ROR1: variants seen among roughly 807,000 people sequenced by gnomAD.
The protein encoded by ROR1 is inactive tyrosine-protein kinase transmembrane receptor ROR1.
Under a neutral mutation model 78.8 loss-of-function variants are expected in ROR1, and 19 were observed. That is an observed-to-expected ratio of 0.24 (90% CI 0.17 to 0.35). ROR1 has a LOEUF of 0.35. ROR1 is among the 10% of genes least tolerant of loss of function. The pLI is 1.00. For missense variants in ROR1, 917 were observed against 1,177.8 expected, an observed-to-expected ratio of 0.78 and a Z score of 3.24; for synonymous variants, 386 against 433.6, an observed-to-expected ratio of 0.89 and a Z score of 1.36.
At position 63,927,493 on chromosome 1, in the gene ROR1, T is replaced by C. The variant is rs548773700; in HGVS notation, c.92-81812T>C. Among the ~76,000 whole-genome samples, 33 of 150,932 alleles carry C rather than the reference T, an allele frequency of 2.2e-4. No homozygotes were observed. The East Asian group carries it at 5.3e-3, about 24-fold the overall frequency. ...TCTCTTTTTTTGTTGTGTCTCTGCC[T>C]GGCTTTGGTATCAGAATGATGCTGG... On this transcript the variant is annotated intron_variant, in intron 1 of 8. Transcript: ENST00000371079.
At position 64,038,089 on chromosome 1, in the gene ROR1, G is replaced by A. The variant is rs1386544862; in HGVS notation, c.164-11602G>A. 5.3e-5 allele frequency among the ~76,000 whole-genome samples: 8 copies of A among 152,160 alleles called. No individual in the cohort carries two copies. The East Asian group carries it at 1.5e-3, about 29-fold the overall frequency. On this transcript the variant is annotated intron_variant, in intron 2 of 8. Coordinates refer to ENST00000371079, the MANE Select transcript of ROR1 (RefSeq NM_005012.4). The stretch of plus-strand genomic sequence containing the variant: ...TTTCTTTTGTATCACTGTTTTGCGA[G>A]GCCAAGGAGAGATGGGACAGGTCCC...
chr1:63,962,200 C>T (rs1006439456), intron 1 of ROR1, among the ~76,000 whole-genome samples: 13 of 152,238 alleles, frequency 8.5e-5, no homozygotes, highest in Admixed American at 3.3e-4. Flanking sequence ...GCAGAGGTTG[C>T]TGTGAGCTGA....
chr1:64,097,455 A>G (rs2100652084), intron 4 of ROR1, among the ~76,000 whole-genome samples: 1 of 152,230 alleles, frequency 6.6e-6, no homozygotes, highest in South Asian at 2.1e-4. Context: ...GCCATGTAAC[A>G]TATTCAAATG....
chr1:63,893,565 T>A (rs1294642020), intron 1 of ROR1, among the ~76,000 whole-genome samples: 2 of 152,194 alleles, frequency 1.3e-5, no homozygotes, highest in Admixed American at 6.6e-5. Context: ...AAAAGGTTTT[T>A]GTGGGTTTCT....
chr1:63,953,827 A>G (rs1482611796), intron 1 of ROR1, among the ~76,000 whole-genome samples: 1 of 152,216 alleles, frequency 6.6e-6, no homozygotes, highest in Admixed American at 6.5e-5. Context: ...TTGGGTCCTG[A>G]AGGATAAGAT....
chr1:63,779,568 A>C (rs1442410560), intron 1 of ROR1, among the ~76,000 whole-genome samples: 1 of 152,216 alleles, frequency 6.6e-6, no homozygotes, highest in Non-Finnish European at 1.5e-5. Flanking sequence ...AACTAAATGC[A>C]GCTGCTTGTT....
intron 1 of ROR1, among the ~76,000 whole-genome samples, chr1:63,878,699 G>A (rs1418594601): frequency 6.6e-6 from 1 of 152,032 alleles, no homozygotes; most frequent in African/African-American, 2.4e-5. Flanking sequence ...AAACCTAAAG[G>A]TGGAGCCCTG....
At chr1:64,065,209 C>T (rs1467685350) in intron 4 of ROR1, among the ~76,000 whole-genome samples, 1 of 152,250 alleles carries the variant, frequency 6.6e-6, no homozygotes, top group Non-Finnish European at 1.5e-5. Context: ...AACTAATAGA[C>T]TATTACTTCC....
intron 4 of ROR1, among the ~76,000 whole-genome samples, chr1:64,085,775 G>GC (rs1647147557): frequency 6.6e-6 from 1 of 151,544 alleles, no homozygotes; most frequent in African/African-American, 2.4e-5. Context: ...ATTATTATTA[G>GC]TTTTTTTTTA....
intron 1 of ROR1, among the ~76,000 whole-genome samples, chr1:63,786,240 C>G (rs1050434113): frequency 4.1e-5 from 6 of 145,530 alleles, no homozygotes; most frequent in Admixed American, 2.8e-4. Flanking sequence ...TCCCCCCTTA[C>G]GCTGGCTACA....
chr1:63,967,791 T>C (rs948918535), intron 1 of ROR1, among the ~76,000 whole-genome samples: 4 of 152,194 alleles, frequency 2.6e-5, no homozygotes, highest in Non-Finnish European at 4.4e-5. Context: ...GAGCTTGGAC[T>C]CTAGGATCTC....
At chr1:64,051,463 A>AT (rs1557627904) in intron 4 of ROR1, among the ~76,000 whole-genome samples, 30 of 21,030 alleles carry the variant, frequency 1.4e-3, no homozygotes, top group African/African-American at 1.9e-3. Context: ...AATAAAAAAT[A>AT]AAATAAAATA....
chr1:64,065,045 C>T (rs182919656), intron 4 of ROR1, among the ~76,000 whole-genome samples: 89 of 152,206 alleles, frequency 5.8e-4, no homozygotes, highest in African/African-American at 2.1e-3. Flanking sequence ...CTGATCTAGA[C>T]CTCAATATTT....
intron 2 of ROR1, among the ~76,000 whole-genome samples, chr1:64,012,038 A>G (rs1451600000): frequency 6.6e-6 from 1 of 152,212 alleles, no homozygotes; most frequent in Non-Finnish European, 1.5e-5. Context: ...AAAATAATCC[A>G]TTGCCAAGCT....
intron 1 of ROR1, among the ~76,000 whole-genome samples, chr1:63,887,824 A>G (rs1377665556): frequency 2.6e-5 from 4 of 152,204 alleles, no homozygotes; most frequent in African/African-American, 7.2e-5. Flanking sequence ...AATTCCTACC[A>G]CATAGCAGAA....
chr1:64,159,309 A>G, intron 8 of ROR1, 117 bp downstream of exon 8: 1 of 802,200 alleles, frequency 1.2e-6, no homozygotes, highest in East Asian at 2.6e-5. Flanking sequence ...TATAAGTGCT[A>G]AGGTTCATTT....
intron 1 of ROR1, chr1:63,775,306 G>A (rs1029682481): frequency 6.6e-6 from 1 of 152,244 alleles, no homozygotes; most frequent in African/African-American, 2.4e-5. Context: ...AAGCCGGAGC[G>A]TCTTAGTTCG....
intron 4 of ROR1, among the ~76,000 whole-genome samples, chr1:64,081,514 C>T (rs1023798426): frequency 6.6e-6 from 1 of 152,000 alleles, no homozygotes; most frequent in African/African-American, 2.4e-5. Flanking sequence ...TGGTGGCTCA[C>T]ACCTATAATC....
chr1:63,811,960 G>GTTTT (rs568040372), intron 1 of ROR1, among the ~76,000 whole-genome samples: 2 of 124,030 alleles, frequency 1.6e-5, no homozygotes, highest in African/African-American at 6.4e-5. Context: ...AACCAGAGGT[G>GTTTT]TTTTTTTTTT....
Sources: allele counts gnomAD v4.1 joint callset (sites outside exome capture counted in the v4.1 genomes callset), GRCh38; gene constraint gnomAD v4.1.1; transcripts MANE v1.5; gene names NCBI Gene and HGNC (gene_info 2026-07-23, HGNC 2026-07-21).